Variants in CERS6 observed in about 807,000 individuals in gnomAD.
CERS6 encodes ceramide synthase 6, also known as LAG1 homolog, ceramide synthase 6.
Under a neutral mutation model 56.8 loss-of-function variants are expected in CERS6, and 26 were observed. The ratio of observed to expected loss-of-function variants is 0.46; its 90% CI spans 0.34 to 0.63. The LOEUF (loss-of-function observed/expected upper bound fraction) is 0.63, where lower values mean the gene tolerates loss of function less well. Ranked by LOEUF, CERS6 falls within the 30% of genes least tolerant of loss-of-function variation. CERS6 has a pLI of 0.01. For missense variants in CERS6, 415 were observed against 467.5 expected (o/e 0.89, Z 1.04); for synonymous variants, 164 against 173.3 (o/e 0.95, Z 0.42).
chr2:168,474,825 C>T (rs994634582), intron 1 of CERS6, among the ~76,000 whole-genome samples: 28 of 152,154 alleles, frequency 1.8e-4, no homozygotes, highest in African/African-American at 6.3e-4. Flanking sequence ...TGTTATATTC[C>T]TTTACAACAA....
chr2:168,679,019 G>A (rs1444031600), intron 4 of CERS6, among the ~76,000 whole-genome samples: 1 of 152,182 alleles, frequency 6.6e-6, no homozygotes, highest in Non-Finnish European at 1.5e-5. Flanking sequence ...ATGAAATCCT[G>A]TCATTTGTAG....
intron 1 of CERS6, among the ~76,000 whole-genome samples, chr2:168,480,256 A>G (rs1187947624): frequency 6.6e-6 from 1 of 152,252 alleles, no homozygotes; most frequent in African/African-American, 2.4e-5. Context: ...AGTCTTCCCC[A>G]ATGTCTTTGC....
intron 1 of CERS6, among the ~76,000 whole-genome samples, chr2:168,541,897 C>T (rs1218081415): frequency 6.6e-6 from 1 of 152,154 alleles, no homozygotes; most frequent in East Asian, 1.9e-4. Context: ...TCTCTGATTT[C>T]CCCAGGCTTT....
In CERS6 at chr2:168,646,563, T is replaced by C. The variant is rs186071240; in HGVS notation, c.465+15521T>C. Among the ~76,000 whole-genome samples the C allele has an allele frequency of 5.3e-5, 8 of 152,380 alleles. No individual in the cohort carries two copies. In the East Asian group the frequency reaches 1.5e-3, roughly 29 times the overall value. On this transcript the variant is annotated intron_variant, in intron 4 of 9. Transcript: ENST00000305747. ...TTAATTAGATCCCACTTGTCAAGTTTTGCTTTTGTTGCGATTGCTTTTGGT... is the reference window on the plus strand; with the variant it reads ...TTAATTAGATCCCACTTGTCAAGTTCTGCTTTTGTTGCGATTGCTTTTGGT...
At chr2:168,620,464 C>G (rs1684442823) in intron 3 of CERS6, among the ~76,000 whole-genome samples, 1 of 152,114 alleles carries the variant, frequency 6.6e-6, no homozygotes, top group South Asian at 2.1e-4. Flanking sequence ...TAGAATGAGC[C>G]TTCTTAGCCA....
At chr2:168,508,048 ATT>A (rs1247390801) in intron 1 of CERS6, among the ~76,000 whole-genome samples, 1 of 152,056 alleles carries the variant, frequency 6.6e-6, no homozygotes, top group Non-Finnish European at 1.5e-5. Flanking sequence ...GGAGTTCTTG[ATT>A]TTTTATTTGC....
At chr2:168,719,517 G>A (rs1223965661) in intron 8 of CERS6, among the ~76,000 whole-genome samples, 2 of 152,292 alleles carry the variant, frequency 1.3e-5, no homozygotes, top group East Asian at 1.9e-4. Flanking sequence ...GCTTTAGGTA[G>A]AAGAAACAAA....
intron 8 of CERS6, among the ~76,000 whole-genome samples, chr2:168,723,742 A>T (rs1439070446): frequency 2.0e-5 from 3 of 152,236 alleles, no homozygotes; most frequent in Non-Finnish European, 4.4e-5. Flanking sequence ...TAGAAGCATC[A>T]TCTTCTCACA....
chr2:168,654,621 T>C (rs1381719915), intron 4 of CERS6, among the ~76,000 whole-genome samples: 3 of 152,160 alleles, frequency 2.0e-5, no homozygotes, highest in African/African-American at 7.2e-5. Context: ...GCACATAGAA[T>C]CTTGTTGGCC....
intron 3 of CERS6, among the ~76,000 whole-genome samples, chr2:168,577,247 A>C (rs966804819): frequency 6.6e-6 from 1 of 152,146 alleles, no homozygotes; most frequent in Non-Finnish European, 1.5e-5. Flanking sequence ...GAGGCTGTGA[A>C]GGAGATAGGT....
intron 4 of CERS6, among the ~76,000 whole-genome samples, chr2:168,652,154 T>C (rs1685359345): frequency 6.6e-6 from 1 of 152,064 alleles, no homozygotes; most frequent in Non-Finnish European, 1.5e-5. Flanking sequence ...GTTACGACTC[T>C]AATCAAATAA....
intron 4 of CERS6, among the ~76,000 whole-genome samples, chr2:168,646,303 T>A (rs1489793444): frequency 6.6e-6 from 1 of 151,038 alleles, no homozygotes; most frequent in Non-Finnish European, 1.5e-5. Context: ...AATATTGAGC[T>A]TTTTTTTTCA....
At chr2:168,585,607 C>T (rs1559009063) in intron 3 of CERS6, among the ~76,000 whole-genome samples, 1 of 152,216 alleles carries the variant, frequency 6.6e-6, no homozygotes, top group Non-Finnish European at 1.5e-5. Context: ...TGTGGTGTGG[C>T]AGATGCTCCA....
intron 2 of CERS6, among the ~76,000 whole-genome samples, chr2:168,550,022 A>G (rs536096242): frequency 7.2e-4 from 109 of 152,282 alleles, no homozygotes; most frequent in African/African-American, 2.5e-3. Flanking sequence ...ATCTCTGTAT[A>G]TGACTGGCTA....
chr2:168,558,685 C>A (rs6707779), intron 2 of CERS6, among the ~76,000 whole-genome samples: 2 of 151,662 alleles, frequency 1.3e-5, no homozygotes, highest in East Asian at 1.9e-4. Flanking sequence ...CTGGCTAACA[C>A]AGTGAAACCC....
intron 4 of CERS6, among the ~76,000 whole-genome samples, chr2:168,677,371 G>A (rs1299320517): frequency 6.6e-6 from 1 of 152,154 alleles, no homozygotes; most frequent in Non-Finnish European, 1.5e-5. Flanking sequence ...ATACTGCATA[G>A]TATTCCATGG....
chr2:168,570,940 A>G (rs941159166), intron 3 of CERS6, among the ~76,000 whole-genome samples: 3 of 152,198 alleles, frequency 2.0e-5, no homozygotes, highest in Non-Finnish European at 4.4e-5. Context: ...CAGAACTCAC[A>G]GGGACAATTG....
At chr2:168,459,475 T>TA (rs992071353) in intron 1 of CERS6, among the ~76,000 whole-genome samples, 3 of 152,192 alleles carry the variant, frequency 2.0e-5, no homozygotes, top group Admixed American at 6.5e-5. Context: ...GCATGGTTGG[T>TA]AAAAAATGGG....
At chr2:168,672,806 C>A (rs1056683867) in intron 4 of CERS6, among the ~76,000 whole-genome samples, 4 of 152,150 alleles carry the variant, frequency 2.6e-5, no homozygotes, top group Non-Finnish European at 5.9e-5. Flanking sequence ...TTGTATCTTG[C>A]AGCTCCTCCC....
Sources: allele counts gnomAD v4.1 joint callset (sites outside exome capture counted in the v4.1 genomes callset), GRCh38; gene constraint gnomAD v4.1.1; transcripts MANE v1.5; gene names NCBI Gene and HGNC (gene_info 2026-07-23, HGNC 2026-07-21).